Variants in ANKS1A observed in about 807,000 individuals in gnomAD.
ANKS1A encodes ankyrin repeat and SAM domain-containing protein 1A.
ANKS1A carries 55 observed loss-of-function variants against 120.3 expected under a neutral mutation model. The observed-to-expected ratio is 0.46, with a 90% CI of 0.37 to 0.57. The LOEUF (loss-of-function observed/expected upper bound fraction) is 0.57, where lower values mean the gene tolerates loss of function less well. ANKS1A is among the 20% of genes least tolerant of loss of function. ANKS1A has a pLI of 0.00. For synonymous variants in ANKS1A, 590 were observed against 604.7 expected (o/e 0.98, Z 0.36); for missense variants, 1,123 against 1,480.3 (o/e 0.76, Z 3.96).
intron 1 of ANKS1A, among the ~76,000 whole-genome samples, chr6:34,920,377 G>A (rs1464766211): frequency 6.6e-6 from 1 of 151,654 alleles, no homozygotes; most frequent in African/African-American, 2.4e-5. Context: ...CACCATGCCA[G>A]GCTAATTTTT....
intron 10 of ANKS1A, among the ~76,000 whole-genome samples, chr6:34,995,418 A>T (rs904401707): frequency 2.6e-5 from 4 of 151,586 alleles, no homozygotes; most frequent in Non-Finnish European, 5.9e-5. Context: ...GGAGCTTTTT[A>T]AAAAAGTTAT....
chr6:34,893,746 A>G (rs1581654997), intron 1 of ANKS1A, among the ~76,000 whole-genome samples: 2 of 152,344 alleles, frequency 1.3e-5, no homozygotes, highest in East Asian at 3.9e-4. Flanking sequence ...CAAATTTAGC[A>G]TAATTTATCC....
At chr6:34,976,617 T>G (rs1458975986) in intron 3 of ANKS1A, among the ~76,000 whole-genome samples, 15 of 152,156 alleles carry the variant, frequency 9.9e-5, no homozygotes, top group Non-Finnish European at 4.4e-5. Context: ...CCTTTCTGGT[T>G]GCATTAGTAT....
chr6:35,016,781 A>G (rs9394269), intron 10 of ANKS1A, among the ~76,000 whole-genome samples: 85,910 of 134,384 alleles, frequency 0.64, 31,411 homozygotes, highest in East Asian at 0.82. Flanking sequence ...AAAAAAAAAA[A>G]AGAGAGAGAG....
chr6:35,079,102 C>T (rs1032313082), intron 14 of ANKS1A, among the ~76,000 whole-genome samples: 6 of 152,216 alleles, frequency 3.9e-5, no homozygotes, highest in African/African-American at 1.2e-4. Context: ...GGGCCTGAGC[C>T]TCTCCCCTGC....
chr6:35,030,321 T>A (rs1774842903), intron 11 of ANKS1A, among the ~76,000 whole-genome samples: 1 of 152,248 alleles, frequency 6.6e-6, no homozygotes, highest in African/African-American at 2.4e-5. Flanking sequence ...GTTTCCTTTT[T>A]TACCGTAATA....
At chr6:34,914,121 A>C (rs983309929) in intron 1 of ANKS1A, among the ~76,000 whole-genome samples, 3 of 151,574 alleles carry the variant, frequency 2.0e-5, no homozygotes, top group South Asian at 2.1e-4. Context: ...CTGGGTTTCA[A>C]CATGTTAGCC....
At chr6:35,083,273 G>A in intron 19 of ANKS1A, 47 bp downstream of exon 19, 1 of 1,611,772 alleles carries the variant, frequency 6.2e-7, no homozygotes, top group African/African-American at 1.3e-5. Context: ...CTGGCCAGCA[G>A]AAGGCAGCAA....
At chr6:34,975,449 A>AG (rs1366150947) in intron 3 of ANKS1A, among the ~76,000 whole-genome samples, 10 of 149,870 alleles carry the variant, frequency 6.7e-5, no homozygotes, top group Admixed American at 2.7e-4. Flanking sequence ...GTGAGACTCA[A>AG]AAAAAAAAAA....
intron 11 of ANKS1A, among the ~76,000 whole-genome samples, chr6:35,046,421 C>T (rs950246301): frequency 1.3e-5 from 2 of 152,198 alleles, no homozygotes; most frequent in Admixed American, 1.3e-4. Flanking sequence ...AAATGAAACT[C>T]AGACCAGTGT....
chr6:35,071,909 C>T (rs113087151), intron 13 of ANKS1A, among the ~76,000 whole-genome samples: 38 of 152,316 alleles, frequency 2.5e-4, no homozygotes, highest in Non-Finnish European at 4.3e-4. Flanking sequence ...AGGCCCAGGC[C>T]GGCCCCTCCC....
chr6:34,940,393 C>T (rs891458617), intron 1 of ANKS1A, among the ~76,000 whole-genome samples: 2 of 152,110 alleles, frequency 1.3e-5, no homozygotes, highest in Non-Finnish European at 2.9e-5. Flanking sequence ...TTGGAATGAC[C>T]TTTGTCCTTG....
intron 13 of ANKS1A, among the ~76,000 whole-genome samples, chr6:35,061,642 C>T (rs12197124): frequency 0.14 from 20,776 of 152,272 alleles, 1,892 homozygotes; most frequent in Non-Finnish European, 0.2. Flanking sequence ...ACAATGCACC[C>T]TTTCCAAGCC....
At chr6:35,018,478 G>T (rs1774159117) in intron 11 of ANKS1A, among the ~76,000 whole-genome samples, 1 of 152,104 alleles carries the variant, frequency 6.6e-6, no homozygotes. Context: ...GGTGTTTAGG[G>T]GAGGACAGGG....
At chr6:34,890,991 G>A (rs558027028) in intron 1 of ANKS1A, among the ~76,000 whole-genome samples, 44 of 152,332 alleles carry the variant, frequency 2.9e-4, no homozygotes, top group African/African-American at 9.9e-4. Context: ...ATTTGTTGAA[G>A]AAATAAAAGT....
At chr6:35,039,656 T>C in intron 11 of ANKS1A, 1 of 456,356 alleles carries the variant, frequency 2.2e-6, no homozygotes. Flanking sequence ...CACAGTGCTC[T>C]GCACAGAAGC....
Position 35,086,408 on chromosome 6 carries a change from G to A in ANKS1A, c.3303+472G>A, listed in dbSNP as rs13216424. The A allele has an allele frequency of 0.17, 220,852 of 1,269,808 alleles. 20,859 individuals carry two copies. Among genetic ancestry groups the A allele is most frequent in the African/African-American group, 0.29 (18,698 of 65,380 alleles). The allele number at this position is 1,269,808 out of a possible 1,614,324, so 78.7% of individuals were successfully genotyped here. On this transcript the variant is annotated intron_variant, in intron 22 of 23. Transcript: ENST00000360359. The surrounding 1 kb of genome is among the most constrained non-coding windows in gnomAD (Gnocchi z 5.1). ...TGCTGTCTTGTGTGTCAGTCTCCCCGAAGTGACCGTGAGCGCTCTTAGCCT... is the reference window on the plus strand; with the variant it reads ...TGCTGTCTTGTGTGTCAGTCTCCCCAAAGTGACCGTGAGCGCTCTTAGCCT...
rs763826406 is a variant in ANKS1A at position 35,084,089 on chromosome 6, T to C, written c.2995-32T>C. ...GGGGTGCCAGAGGCATGCCTGAGCC[T>C]GAGAATTCCAGAACACGGCTTTCCC... On this transcript the variant is annotated intron_variant, in intron 20 of 23. Transcript: ENST00000360359. This position sits in a 1 kb window ranked among gnomAD's most constrained non-coding sequence, Gnocchi z 4.8. 6.2e-7 allele frequency: 1 copy of C among 1,612,690 alleles called. No individual in the cohort carries two copies. The highest frequency in any genetic ancestry group is 8.5e-7 in the Non-Finnish European group (1 of 1,179,192).
In ANKS1A at chr6:35,016,764, CA is replaced by C. The variant is rs145185965; in HGVS notation, c.1424-691del. Among the ~76,000 whole-genome samples the C allele has an allele frequency of 4.2e-3, 559 of 131,694 alleles. 5 individuals are homozygous for C. The highest frequency in any genetic ancestry group is 0.015 in the African/African-American group (473 of 30,558). 86.4% of individuals were successfully genotyped at this position (131,694 alleles called of 152,430 possible). ...GGAAGAAGCAAGATGTGCACATTCTCAAAAAAAAAAAAAAAAAAGAGAGAGA... is the reference window on the plus strand; with the variant it reads ...GGAAGAAGCAAGATGTGCACATTCTCAAAAAAAAAAAAAAAAAGAGAGAGA... On this transcript the variant is annotated intron_variant, in intron 10 of 23. Coordinates refer to ENST00000360359, the MANE Select transcript of ANKS1A (RefSeq NM_015245.3).
Sources: gnomAD v4.1 joint callset for allele counts (sites outside exome capture counted in the v4.1 genomes callset) on GRCh38, gnomAD v4.1.1 for gene constraint, Gnocchi (gnomAD v3.1) non-coding constraint, MANE v1.5 for transcripts, NCBI Gene and HGNC (gene_info 2026-07-23, HGNC 2026-07-21) for gene names.